C1orf146: variants seen among roughly 807,000 people sequenced by gnomAD.
C1orf146 encodes protein SPO16 homolog.
A neutral mutation model predicts 23.0 loss-of-function variants in C1orf146; 22 were observed. That is an observed-to-expected ratio of 0.96 (90% confidence interval 0.68 to 1.36). The LOEUF (loss-of-function observed/expected upper bound fraction) is 1.36. Among genes scored for constraint, C1orf146 ranks in the 40% most tolerant of loss-of-function variants. C1orf146 has a pLI of 0.00. For synonymous variants in C1orf146, 59 were observed against 65.3 expected (o/e 0.90, Z 0.47); for missense variants, 199 against 206.8 (o/e 0.96, Z 0.23).
chr1:92,229,586 C>T (rs893140876), intron 1 of C1orf146, among the ~76,000 whole-genome samples: 3 of 152,152 alleles, frequency 2.0e-5, no homozygotes, highest in African/African-American at 7.2e-5. Flanking sequence ...CTTCCAACTC[C>T]AGTGTGCAGC....
chr1:92,231,416 G>T lies in C1orf146; in HGVS notation c.-5G>T, dbSNP rs1429296367. The T allele has an allele frequency of 1.2e-6, 2 of 1,605,100 alleles. No individual in the cohort carries two copies. Among genetic ancestry groups the T allele is most frequent in the Non-Finnish European group, 1.7e-6 (2 of 1,175,332 alleles). On this transcript the variant is annotated 5_prime_UTR_variant, in exon 2 of 6. Transcript: ENST00000370375. ...CCATTAGAAGCTAGGTTGATCCACA[G>T]ACAGATGGCTGAAAGTGGAAAAGAA...
chr1:92,229,729 G>T (rs183915273), intron 1 of C1orf146, among the ~76,000 whole-genome samples: 9 of 152,234 alleles, frequency 5.9e-5, no homozygotes, highest in Non-Finnish European at 1.3e-4. Flanking sequence ...CCTAAAGAAG[G>T]GGGGGTGGCA....
chr1:92,226,702 T>C (rs935185784), intron 1 of C1orf146, among the ~76,000 whole-genome samples: 2 of 152,332 alleles, frequency 1.3e-5, no homozygotes, highest in African/African-American at 4.8e-5. Context: ...CATATGGTTT[T>C]TCCCTTGTCA....
chr1:92,234,928 G>A, intron 2 of C1orf146, among the ~76,000 whole-genome samples: 1 of 152,172 alleles, frequency 6.6e-6, no homozygotes, highest in East Asian at 1.9e-4. Flanking sequence ...TCTGATGGTA[G>A]TTTGTATTTC....
chr1:92,230,537 A>G (rs71650485), intron 1 of C1orf146, among the ~76,000 whole-genome samples: 39,051 of 150,866 alleles, frequency 0.26, 6,480 homozygotes, highest in Non-Finnish European at 0.35. Flanking sequence ...AATGGCATGA[A>G]CCTGGGAGGC....
At chr1:92,243,623 G>A (rs1223664354) in intron 3 of C1orf146, among the ~76,000 whole-genome samples, 3 of 152,172 alleles carry the variant, frequency 2.0e-5, no homozygotes, top group Non-Finnish European at 2.9e-5. Context: ...GGGATTACAG[G>A]TGTGAGCCAC....
chr1:92,226,245 A>G (rs1557485722), intron 1 of C1orf146, among the ~76,000 whole-genome samples: 4 of 151,864 alleles, frequency 2.6e-5, no homozygotes, highest in Admixed American at 1.3e-4. Context: ...TGACTTCTAA[A>G]TTTTTTTTGT....
chr1:92,227,528 G>T (rs1651998216), intron 1 of C1orf146, among the ~76,000 whole-genome samples: 1 of 152,088 alleles, frequency 6.6e-6, no homozygotes, highest in African/African-American at 2.4e-5. Context: ...GACAGAGCGA[G>T]ACTCCATCTC....
intron 3 of C1orf146, among the ~76,000 whole-genome samples, chr1:92,243,540 T>C (rs1450053026): frequency 6.6e-6 from 1 of 152,064 alleles, no homozygotes; most frequent in Non-Finnish European, 1.5e-5. Flanking sequence ...AGAGACAGGG[T>C]TTCACCATGT....
chr1:92,236,006 C>T (rs1652267360), intron 2 of C1orf146, among the ~76,000 whole-genome samples: 1 of 152,134 alleles, frequency 6.6e-6, no homozygotes, highest in Admixed American at 6.5e-5. Flanking sequence ...ATGTGTGTCT[C>T]TGCATGTGAG....
intron 2 of C1orf146, among the ~76,000 whole-genome samples, chr1:92,239,123 T>G (rs938049378): frequency 6.6e-6 from 1 of 152,196 alleles, no homozygotes; most frequent in African/African-American, 2.4e-5. Context: ...ACATATCTTC[T>G]AGTTCTTTGC....
intron 1 of C1orf146, among the ~76,000 whole-genome samples, chr1:92,220,655 A>AT (rs1180084910): frequency 7.2e-5 from 11 of 152,354 alleles, no homozygotes; most frequent in African/African-American, 2.4e-4. Flanking sequence ...AACAGTTAAT[A>AT]TGCAATGCAT....
chr1:92,238,130 T>C (rs1652342145), intron 2 of C1orf146, among the ~76,000 whole-genome samples: 1 of 152,190 alleles, frequency 6.6e-6, no homozygotes, highest in Non-Finnish European at 1.5e-5. Flanking sequence ...GGTTTCACCA[T>C]GTTGGCCAGG....
At chr1:92,218,635 G>A (rs1651739580) in intron 1 of C1orf146, among the ~76,000 whole-genome samples, 1 of 152,134 alleles carries the variant, frequency 6.6e-6, no homozygotes, top group South Asian at 2.1e-4. Flanking sequence ...TGTCACGGGA[G>A]TTTGTTGTCC....
chr1:92,217,964 C>G lies in C1orf146; in HGVS notation c.-124C>G, dbSNP rs1450027401. 2 of 152,314 alleles carry G rather than the reference C, an allele frequency of 1.3e-5. No homozygotes were observed. The highest frequency in any genetic ancestry group is 2.9e-5 in the Non-Finnish European group (2 of 68,114). The allele number at this position is 152,314 out of a possible 1,614,324, so 9.4% of individuals were successfully genotyped here. ...TGCCCCAGGCACCCTGGGCGCTCTG[C>G]CCTACCGGCGGCGCCTCTCACTGCT... On this transcript the variant is annotated 5_prime_UTR_variant, in exon 1 of 6. Coordinates refer to ENST00000370375, the MANE Select transcript of C1orf146 (RefSeq NM_001012425.2).
At chr1:92,244,986 G>T in intron 5 of C1orf146, 129 bp downstream of exon 5, 1 of 555,838 alleles carries the variant, frequency 1.8e-6, no homozygotes, top group Admixed American at 3.0e-5. Context: ...GCTGTTTCAG[G>T]GTGCAACTTT....
chr1:92,238,465 C>A (rs1450493742), intron 2 of C1orf146, among the ~76,000 whole-genome samples: 1 of 152,036 alleles, frequency 6.6e-6, no homozygotes, highest in African/African-American at 2.4e-5. Context: ...TATTTCAATC[C>A]GGAGCATCTT....
chr1:92,237,574 G>A (rs985818096), intron 2 of C1orf146, among the ~76,000 whole-genome samples: 1 of 152,206 alleles, frequency 6.6e-6, no homozygotes, highest in African/African-American at 2.4e-5. Flanking sequence ...TGAGGAGGCA[G>A]TCTGCCTGTT....
chr1:92,221,276 C>T (rs565328713), intron 1 of C1orf146, among the ~76,000 whole-genome samples: 1 of 152,134 alleles, frequency 6.6e-6, no homozygotes, highest in East Asian at 1.9e-4. Context: ...TGGGAGCTAA[C>T]CATTGAGTAC....
Sources: allele counts gnomAD v4.1 joint callset (sites outside exome capture counted in the v4.1 genomes callset), GRCh38; gene constraint gnomAD v4.1.1; transcripts MANE v1.5; gene names NCBI Gene and HGNC (gene_info 2026-07-23, HGNC 2026-07-21).